RHBDD1: variants seen among roughly 807,000 people sequenced by gnomAD.
RHBDD1 encodes the protein rhomboid domain containing 1, also known as rhomboid-related protein 4.
RHBDD1 carries 38 observed loss-of-function variants against 36.3 expected under a neutral mutation model. That is an observed-to-expected ratio of 1.05 (90% CI 0.81 to 1.37). The LOEUF (loss-of-function observed/expected upper bound fraction) is 1.37, where lower values mean the gene tolerates loss of function less well. RHBDD1 is among the 40% of genes most tolerant of loss of function. The probability of loss-of-function intolerance (pLI) is 0.00; values close to 1 mark genes in which losing one functional copy is unlikely to be tolerated. For synonymous variants in RHBDD1, 151 were observed against 136.5 expected (o/e 1.11, Z -0.74); for missense variants, 393 against 377.6 (o/e 1.04, Z -0.34).
At chr2:226,916,839 A>G (rs1252783729) in intron 8 of RHBDD1, among the ~76,000 whole-genome samples, 4 of 152,206 alleles carry the variant, frequency 2.6e-5, no homozygotes, top group African/African-American at 7.2e-5. Flanking sequence ...TGCCCCCATC[A>G]GTAATTATAC....
intron 8 of RHBDD1, among the ~76,000 whole-genome samples, chr2:226,934,092 A>C (rs1950195447): frequency 6.6e-6 from 1 of 152,156 alleles, no homozygotes; most frequent in South Asian, 2.1e-4. Flanking sequence ...ATTTATAGTC[A>C]TGCATTACAT....
At chr2:226,859,089 A>G (rs1489731093) in intron 3 of RHBDD1, among the ~76,000 whole-genome samples, 2 of 152,362 alleles carry the variant, frequency 1.3e-5, no homozygotes, top group Non-Finnish European at 2.9e-5. Context: ...TGAATATGCC[A>G]TAGGTATTCA....
At chr2:226,992,749 G>A (rs756073640) in intron 8 of RHBDD1, among the ~76,000 whole-genome samples, 1 of 152,228 alleles carries the variant, frequency 6.6e-6, no homozygotes, top group African/African-American at 2.4e-5. Context: ...CAGGAAGGGC[G>A]GGAATGGTGA....
chr2:226,835,863 C>G (rs1055229839), upstream of RHBDD1: 2 of 152,480 alleles, frequency 1.3e-5, no homozygotes, highest in African/African-American at 4.8e-5. Context: ...GGTCCTGCCC[C>G]GCTGTGCCCT....
intron 5 of RHBDD1, among the ~76,000 whole-genome samples, chr2:226,903,630 A>G (rs956692814): frequency 6.6e-6 from 1 of 152,162 alleles, no homozygotes. Context: ...TAATTTTATT[A>G]TATGAAGTAG....
chr2:226,816,137 T>C, the RHBDD1 span, among the ~76,000 whole-genome samples: 1 of 152,112 alleles, frequency 6.6e-6, no homozygotes, highest in African/African-American at 2.4e-5. Flanking sequence ...AGATTTGATG[T>C]CAGGAGCTGA....
At chr2:226,953,822 T>C (rs1951595563) in intron 8 of RHBDD1, among the ~76,000 whole-genome samples, 1 of 152,182 alleles carries the variant, frequency 6.6e-6, no homozygotes. Context: ...ATCATTTTGG[T>C]GATGCGTTCT....
intron 5 of RHBDD1, among the ~76,000 whole-genome samples, chr2:226,900,426 GGCC>G (rs1463532447): frequency 4.6e-5 from 7 of 152,116 alleles, no homozygotes; most frequent in African/African-American, 1.7e-4. Flanking sequence ...TGGTGTGCCT[GGCC>G]CCTGTGACTG....
Position 226,995,480 on chromosome 2 carries a change from A to G in RHBDD1, c.906A>G (p.Glu302=). ...PPPYGFHLSP[E]EMRRQRLHRF... Reference sequence around the variant, plus strand: ...CCTACGGGTTTCATCTCTCACCAGAAGAAATGAGGAGACAGCGGCTTCACA... The same window carrying G: ...CCTACGGGTTTCATCTCTCACCAGAGGAAATGAGGAGACAGCGGCTTCACA... The change falls in exon 9 of 9, where the codon GAA becomes GAG. Residue 302 remains glutamate, a synonymous_variant. Transcript: ENST00000392062. 6.2e-7 allele frequency: 1 copy of G among 1,613,332 alleles called. No homozygotes were observed. The highest frequency in any genetic ancestry group is 8.5e-7 in the Non-Finnish European group (1 of 1,179,684).
chr2:226,925,720 C>G (rs955789575), intron 8 of RHBDD1, among the ~76,000 whole-genome samples: 2 of 152,128 alleles, frequency 1.3e-5, no homozygotes, highest in African/African-American at 4.8e-5. Context: ...CTTTTTAGAC[C>G]TGTTTCCTTG....
chr2:226,855,344 C>A (rs1208260680), intron 3 of RHBDD1, among the ~76,000 whole-genome samples: 2 of 152,096 alleles, frequency 1.3e-5, no homozygotes, highest in Non-Finnish European at 2.9e-5. Flanking sequence ...CCCATCTCTA[C>A]AAAAAATAAA....
At chr2:226,866,282 G>A (rs528696902) in intron 4 of RHBDD1, among the ~76,000 whole-genome samples, 1 of 152,260 alleles carries the variant, frequency 6.6e-6, no homozygotes, top group Admixed American at 6.5e-5. Flanking sequence ...ATGCTGGCCA[G>A]GATGGTCTCT....
At chr2:226,966,905 A>G (rs1301477333) in intron 8 of RHBDD1, among the ~76,000 whole-genome samples, 1 of 151,492 alleles carries the variant, frequency 6.6e-6, no homozygotes, top group Non-Finnish European at 1.5e-5. Flanking sequence ...TGGGAGATCT[A>G]CTGCACCAGA....
chr2:226,963,698 C>CA (rs1241290536), intron 8 of RHBDD1, among the ~76,000 whole-genome samples: 2 of 152,128 alleles, frequency 1.3e-5, no homozygotes, highest in African/African-American at 4.8e-5. Flanking sequence ...TGAGCCTGGC[C>CA]ACTAGGCTTC....
chr2:226,932,662 A>G (rs541224101), intron 8 of RHBDD1, among the ~76,000 whole-genome samples: 53 of 151,994 alleles, frequency 3.5e-4, no homozygotes, highest in South Asian at 4.2e-4. Context: ...TTGTTGCTCT[A>G]TGCTTTGTAG....
At chr2:226,840,957 T>C (rs964017472) in intron 3 of RHBDD1, among the ~76,000 whole-genome samples, 1 of 152,110 alleles carries the variant, frequency 6.6e-6, no homozygotes, top group Non-Finnish European at 1.5e-5. Context: ...TTTAAAAATA[T>C]ATTACTGATA....
chr2:226,992,395 A>T (rs1021990529), intron 8 of RHBDD1, among the ~76,000 whole-genome samples: 8 of 152,240 alleles, frequency 5.3e-5, no homozygotes, highest in African/African-American at 1.9e-4. Context: ...AAACAAAGCA[A>T]TTCGGCCATT....
chr2:226,972,676 A>G (rs1356418068), intron 8 of RHBDD1, among the ~76,000 whole-genome samples: 1 of 152,186 alleles, frequency 6.6e-6, no homozygotes, highest in East Asian at 1.9e-4. Flanking sequence ...TCAGCAAATA[A>G]TGACTAGACA....
At chr2:226,944,457 A>G (rs1950848777) in intron 8 of RHBDD1, among the ~76,000 whole-genome samples, 1 of 152,182 alleles carries the variant, frequency 6.6e-6, no homozygotes, top group Admixed American at 6.5e-5. Flanking sequence ...TGTCCTGTCA[A>G]TTAACTGGCA....
Sources: allele counts gnomAD v4.1 joint callset (sites outside exome capture counted in the v4.1 genomes callset), GRCh38; gene constraint gnomAD v4.1.1; transcripts MANE v1.5; gene names NCBI Gene and HGNC (gene_info 2026-07-23, HGNC 2026-07-21).